EDAR: variants seen among roughly 807,000 people sequenced by gnomAD.
EDAR encodes the protein tumor necrosis factor receptor superfamily member EDAR.
In EDAR, 38 loss-of-function variants were observed where a neutral mutation model predicts 51.3. The observed-to-expected ratio is 0.74, with a 90% confidence interval of 0.57 to 0.97. The LOEUF is 0.97. Among genes scored for constraint, EDAR ranks in the 50% least tolerant of loss-of-function variants. The pLI is 0.00. For synonymous variants in EDAR, 227 were observed against 242.1 expected (o/e 0.94, Z 0.58); for missense variants, 528 against 595.0 (o/e 0.89, Z 1.17).
chr2:108,986,652 GA>G (rs772617055), intron 1 of EDAR, among the ~76,000 whole-genome samples: 20 of 152,188 alleles, frequency 1.3e-4, no homozygotes, highest in Non-Finnish European at 2.6e-4. Context: ...TCCTTATTGG[GA>G]AAATAGAGAA....
At chr2:108,957,498 GCTGGA>G (rs1238757482) in intron 1 of EDAR, among the ~76,000 whole-genome samples, 1 of 152,224 alleles carries the variant, frequency 6.6e-6, no homozygotes, top group Non-Finnish European at 1.5e-5. Flanking sequence ...CCCCCAGGGG[GCTGGA>G]TGGTTCTATC....
chr2:108,899,185 C>A (rs1297666139), intron 11 of EDAR, among the ~76,000 whole-genome samples: 1 of 151,954 alleles, frequency 6.6e-6, no homozygotes, highest in Non-Finnish European at 1.5e-5. Flanking sequence ...AAAAACAACG[C>A]CTGACCTAGA....
At chr2:108,978,479 C>T (rs1001438125) in intron 1 of EDAR, among the ~76,000 whole-genome samples, 9 of 152,160 alleles carry the variant, frequency 5.9e-5, no homozygotes, top group Admixed American at 3.3e-4. Flanking sequence ...AGTTTTGCAA[C>T]GTATTTCTAG....
chr2:108,911,884 C>T (rs971648459), intron 6 of EDAR, among the ~76,000 whole-genome samples: 10 of 152,250 alleles, frequency 6.6e-5, no homozygotes, highest in Non-Finnish European at 2.9e-5. Context: ...GGAAAACCAG[C>T]CTCCCAGCAT....
At chr2:108,987,689 G>C (rs765563601) in intron 1 of EDAR, among the ~76,000 whole-genome samples, 1 of 152,202 alleles carries the variant, frequency 6.6e-6, no homozygotes, top group Non-Finnish European at 1.5e-5. Flanking sequence ...GCCCACTTAG[G>C]GATGGGGAGG....
chr2:108,941,489 A>G (rs1488460118), intron 1 of EDAR, among the ~76,000 whole-genome samples: 2 of 152,018 alleles, frequency 1.3e-5, no homozygotes, highest in Non-Finnish European at 2.9e-5. Flanking sequence ...GTTCCCTTTG[A>G]GGGGCTTCCT....
At chr2:108,975,482 C>G (rs1698306711) in intron 1 of EDAR, among the ~76,000 whole-genome samples, 1 of 152,152 alleles carries the variant, frequency 6.6e-6, no homozygotes, top group South Asian at 2.1e-4. Flanking sequence ...ACCTGGGACC[C>G]TAGCCTGGGT....
intron 2 of EDAR, 133 bp downstream of exon 2, chr2:108,930,831 T>G: frequency 9.8e-7 from 1 of 1,024,878 alleles, no homozygotes; most frequent in Non-Finnish European, 1.5e-6. Context: ...CTGGTTTCAT[T>G]TCACCCTCAG....
At chr2:108,978,144 C>T (rs1698359851) in intron 1 of EDAR, among the ~76,000 whole-genome samples, 1 of 152,244 alleles carries the variant, frequency 6.6e-6, no homozygotes, top group African/African-American at 2.4e-5. Flanking sequence ...ACAGGTCCCG[C>T]CCCTGTAATG....
At chr2:108,930,733 A>C (rs1697352249) in intron 2 of EDAR, among the ~76,000 whole-genome samples, 1 of 152,116 alleles carries the variant, frequency 6.6e-6, no homozygotes, top group Admixed American at 6.5e-5. Context: ...GCAATCAAGA[A>C]CGTTTATATC....
At chr2:108,930,037 C>T in intron 3 of EDAR, 83 bp downstream of exon 3, 1 of 1,506,414 alleles carries the variant, frequency 6.6e-7, no homozygotes, top group East Asian at 2.4e-5. Flanking sequence ...CCTCACACAG[C>T]AAGGCAGGCT....
chr2:108,981,913 C>T (rs1475713506), intron 1 of EDAR, among the ~76,000 whole-genome samples: 1 of 152,224 alleles, frequency 6.6e-6, no homozygotes, highest in East Asian at 1.9e-4. Flanking sequence ...AACAAATGCC[C>T]AATAAATGTG....
At chr2:108,934,297 A>G (rs1321398120) in intron 1 of EDAR, among the ~76,000 whole-genome samples, 1 of 152,198 alleles carries the variant, frequency 6.6e-6, no homozygotes, top group Non-Finnish European at 1.5e-5. Context: ...CTCAGACTGC[A>G]GATACAGGCA....
intron 1 of EDAR, among the ~76,000 whole-genome samples, chr2:108,961,031 C>T (rs1698029199): frequency 6.6e-6 from 1 of 152,162 alleles, no homozygotes; most frequent in African/African-American, 2.4e-5. Flanking sequence ...AGTGGTAGAA[C>T]TGTTGGGTCA....
At chr2:108,981,635 C>G (rs763035028) in intron 1 of EDAR, among the ~76,000 whole-genome samples, 3 of 152,132 alleles carry the variant, frequency 2.0e-5, no homozygotes, top group Non-Finnish European at 4.4e-5. Context: ...GACCTCTGCT[C>G]GATATATACT....
At chr2:108,906,710 G>C (rs1434368753) in intron 10 of EDAR, among the ~76,000 whole-genome samples, 3 of 152,234 alleles carry the variant, frequency 2.0e-5, no homozygotes, top group African/African-American at 7.2e-5. Context: ...GCAGAGCCGT[G>C]CGGGGCTCCC....
intron 5 of EDAR, among the ~76,000 whole-genome samples, chr2:108,921,061 G>A (rs140663661): frequency 6.5e-4 from 99 of 152,328 alleles, no homozygotes; most frequent in East Asian, 3.5e-3. Context: ...CAAGCAATTC[G>A]AGTCATAAGA....
chr2:108,935,152 A>G (rs1470231570), intron 1 of EDAR, among the ~76,000 whole-genome samples: 1 of 152,210 alleles, frequency 6.6e-6, no homozygotes, highest in East Asian at 1.9e-4. Flanking sequence ...TGCCTGAATT[A>G]ACAGCTTCTC....
chr2:108,936,420 G>C (rs1697470136), intron 1 of EDAR, among the ~76,000 whole-genome samples: 1 of 152,174 alleles, frequency 6.6e-6, no homozygotes, highest in Non-Finnish European at 1.5e-5. Flanking sequence ...GCTCTTCCAT[G>C]GCGGGAGGCA....
Sources: allele counts gnomAD v4.1 joint callset (sites outside exome capture counted in the v4.1 genomes callset), GRCh38; gene constraint gnomAD v4.1.1; transcripts MANE v1.5; gene names NCBI Gene and HGNC (gene_info 2026-07-23, HGNC 2026-07-21).